The following DAZAP1 variants were observed in gnomAD, a reference collection of about 807,000 sequenced individuals.
DAZAP1 encodes the protein DAZ associated protein 1.
A neutral mutation model predicts 60.1 loss-of-function variants in DAZAP1; 6 were observed. The observed-to-expected ratio is 0.10, with a 90% CI of 0.05 to 0.20. DAZAP1 has a LOEUF of 0.20. Ranked by LOEUF, DAZAP1 falls within the 10% of genes least tolerant of loss-of-function variation. DAZAP1 has a pLI of 1.00. For missense variants in DAZAP1, 366 were observed against 560.4 expected, an observed-to-expected ratio of 0.65 and a Z score of 3.50; for synonymous variants, 235 against 215.9, an observed-to-expected ratio of 1.09 and a Z score of -0.78.
intron 6 of DAZAP1, among the ~76,000 whole-genome samples, chr19:1,424,255 A>G (rs2083243827): frequency 6.7e-6 from 1 of 149,142 alleles, no homozygotes; most frequent in Non-Finnish European, 1.5e-5. Flanking sequence ...CAGTCCCCTC[A>G]GGTCTTCTCC....
rs1429870989 is a variant in DAZAP1 at position 1,426,245 on chromosome 19, G to C, written c.546+285G>C. ...GGGCTGGGGCTGGGAGGCTGTGGCG[G>C]TGTTGGGGCTGGCTCCAGTGAAACC... On this transcript the variant is annotated intron_variant, in intron 7 of 11. Transcript: ENST00000233078. This position sits in a 1 kb window ranked among gnomAD's most constrained non-coding sequence, Gnocchi z 5.4. The C allele has an allele frequency of 2.4e-6, 1 of 418,110 alleles. No homozygotes were observed. Among genetic ancestry groups the C allele is most frequent in the Non-Finnish European group, 4.5e-6 (1 of 224,544 alleles). The allele number at this position is 418,110 out of a possible 1,614,324, so 25.9% of individuals were successfully genotyped here.
At position 1,415,353 on chromosome 19, in the gene DAZAP1, ATGTGTG is replaced by A. The variant is rs61360796; in HGVS notation, c.30-2115_30-2110del. ...GATTTGGTTTGGTTTTCAGGGTTTT[ATGTGTG>A]TGTGTGTGTGTGTGTGTGTGTGTGT... On this transcript the variant is annotated intron_variant, in intron 1 of 11. Coordinates refer to ENST00000233078, the MANE Select transcript of DAZAP1 (RefSeq NM_018959.4). Among the ~76,000 whole-genome samples, 925 of 109,404 alleles carry A rather than the reference ATGTGTG, an allele frequency of 8.5e-3. 7 individuals carry two copies. Among genetic ancestry groups the A allele is most frequent in the Non-Finnish European group, 0.012 (720 of 57,938 alleles). 71.8% of individuals were successfully genotyped at this position (109,404 alleles called of 152,430 possible). A position where few individuals can be genotyped will look rare whatever the true frequency, so the allele number is the denominator to read the frequency against.
chr19:1,432,473 G>A lies in DAZAP1; in HGVS notation c.872-41G>A, dbSNP rs374762621. Reference sequence around the variant, plus strand: ...GTCTCCTGCTGGTCTGCCCCCAGCTGCACAACGTGTCTTGTGCCTTGCCCT... The same window carrying A: ...GTCTCCTGCTGGTCTGCCCCCAGCTACACAACGTGTCTTGTGCCTTGCCCT... On this transcript the variant is annotated intron_variant, in intron 10 of 11. Transcript: ENST00000233078. This position sits in a 1 kb window ranked among gnomAD's most constrained non-coding sequence, Gnocchi z 4.9. 2 of 1,609,106 alleles carry A rather than the reference G, an allele frequency of 1.2e-6. No individual in the cohort carries two copies. Among genetic ancestry groups the A allele is most frequent in the African/African-American group, 1.3e-5 (1 of 74,846 alleles).
chr19:1,409,531 G>T (rs2082763811), intron 1 of DAZAP1, among the ~76,000 whole-genome samples: 1 of 152,208 alleles, frequency 6.6e-6, no homozygotes, highest in African/African-American at 2.4e-5. Flanking sequence ...GGAGTGCATG[G>T]ACCCTGCTCT....
At chr19:1,424,806 G>A (rs2144849401) in intron 6 of DAZAP1, among the ~76,000 whole-genome samples, 1 of 152,344 alleles carries the variant, frequency 6.6e-6, no homozygotes, top group African/African-American at 2.4e-5. Context: ...GTCTTGGGCA[G>A]CTGTCTGCCG....
At chr19:1,412,591 T>A (rs1009951029) in intron 1 of DAZAP1, among the ~76,000 whole-genome samples, 4 of 152,052 alleles carry the variant, frequency 2.6e-5, no homozygotes, top group Admixed American at 2.6e-4. Context: ...TGGCCGCCGG[T>A]TTTTGAAGCC....
At position 1,411,744 on chromosome 19, in the gene DAZAP1, G is replaced by T. The variant is rs3786977; in HGVS notation, c.29+3942G>T. Among the ~76,000 whole-genome samples the T allele has an allele frequency of 1.3e-4, 20 of 152,350 alleles. 1 individual carries two copies. In the East Asian group the frequency reaches 3.9e-3, roughly 29 times the overall value. On this transcript the variant is annotated intron_variant, in intron 1 of 11. Transcript: ENST00000233078. ...GAGGCACAGAGGAGTTGAGGGATGG[G>T]CCCGGGGTCACCCCAGGGGGTGGAA...
At position 1,432,226 on chromosome 19, in the gene DAZAP1, T is replaced by G; in HGVS notation, c.872-288T>G. The G allele has an allele frequency of 2.0e-6, 1 of 499,706 alleles. No individual in the cohort carries two copies. The allele number at this position is 499,706 out of a possible 1,614,324, so 31.0% of individuals were successfully genotyped here. On this transcript the variant is annotated intron_variant, in intron 10 of 11. Transcript: ENST00000233078. The surrounding 1 kb of genome is among the most constrained non-coding windows in gnomAD (Gnocchi z 4.9). ...TTTTGCTGTGAGGTTACTTGCTCCT[T>G]GAGTTCTTGTCTGAGGCCCACCTGG...
chr19:1,434,990 G>A lies in DAZAP1; in HGVS notation c.*78G>A, dbSNP rs1418028361. On this transcript the variant is annotated 3_prime_UTR_variant, in exon 12 of 12. Transcript: ENST00000233078. The surrounding 1 kb of genome is among the most constrained non-coding windows in gnomAD (Gnocchi z 8.0). Reference sequence around the variant, plus strand: ...AACTCGTGACAATCACAAACTTGGCGGCAAAGTGGCGACTCAACCTTGGGG... The same window carrying A: ...AACTCGTGACAATCACAAACTTGGCAGCAAAGTGGCGACTCAACCTTGGGG... 2.0e-5 allele frequency: 7 copies of A among 346,240 alleles called. No individual in the cohort carries two copies. The highest frequency in any genetic ancestry group is 2.8e-5 in the Non-Finnish European group (7 of 252,144). The allele number at this position is 346,240 out of a possible 1,614,324, so 21.4% of individuals were successfully genotyped here.
rs2144962276 is a variant in DAZAP1 at position 1,434,590 on chromosome 19, G to A, written c.1049-147G>A. On this transcript the variant is annotated intron_variant, in intron 11 of 11. Coordinates refer to ENST00000233078, the MANE Select transcript of DAZAP1 (RefSeq NM_018959.4). The surrounding 1 kb of genome is among the most constrained non-coding windows in gnomAD (Gnocchi z 8.0). ...GCCCGGGGTCCTCTCCCCGGCCCAG[G>A]TGCTGGCCTCAGAAGGGCCCCACCC... 4 of 717,750 alleles carry A rather than the reference G, an allele frequency of 5.6e-6. No homozygotes were observed. Among genetic ancestry groups the A allele is most frequent in the African/African-American group, 3.7e-5 (2 of 53,774 alleles). The allele number at this position is 717,750 out of a possible 1,614,324, so 44.5% of individuals were successfully genotyped here.
chr19:1,421,122 C>T (rs779772419), intron 4 of DAZAP1, 26 bp from the exon 5 acceptor site: 2 of 1,609,104 alleles, frequency 1.2e-6, no homozygotes, highest in Non-Finnish European at 1.7e-6. Context: ...CCCGTGTGAA[C>T]TAACTATCCT....
chr19:1,408,807 A>G (rs999868215), intron 1 of DAZAP1, among the ~76,000 whole-genome samples: 1 of 152,134 alleles, frequency 6.6e-6, no homozygotes, highest in Non-Finnish European at 1.5e-5. Context: ...GCTCGGCGCC[A>G]TTCTTTGGTA....
intron 8 of DAZAP1, among the ~76,000 whole-genome samples, chr19:1,429,474 G>A (rs1409244039): frequency 6.6e-6 from 1 of 152,208 alleles, no homozygotes; most frequent in African/African-American, 2.4e-5. Context: ...GGAGCTTCCA[G>A]CAGCCACGGA....
In DAZAP1 at chr19:1,430,358, G is replaced by T; in HGVS notation, c.867G>T (p.Gln289His). Residue 289 changes from glutamine (Q) to histidine (H), a missense_variant, in exon 10 of 12, where the codon CAG becomes CAT. Gln to His is a conservative substitution (Grantham distance 24). This residue lies in a region of DAZAP1 where 240 missense variants were observed against 308.8 expected (regional missense o/e 0.78). Coordinates refer to ENST00000233078, the MANE Select transcript of DAZAP1 (RefSeq NM_018959.4). ...GFPQGYGAPPQFSFGYGPPPP... is the reference protein window; with the variant it reads ...GFPQGYGAPPHFSFGYGPPPP... ...CTCAGGGCTACGGTGCCCCGCCACA[G>T]TTCAGTAAGTCTAGGGGGCCTTGTG... 6.8e-7 allele frequency: 1 copy of T among 1,480,734 alleles called. No homozygotes were observed. Among genetic ancestry groups the T allele is most frequent in the Non-Finnish European group, 9.0e-7 (1 of 1,116,068 alleles). 91.7% of individuals were successfully genotyped at this position (1,480,734 alleles called of 1,614,324 possible).
intron 6 of DAZAP1, among the ~76,000 whole-genome samples, chr19:1,424,208 C>T (rs1027263997): frequency 6.6e-5 from 10 of 152,044 alleles, no homozygotes; most frequent in Non-Finnish European, 1.2e-4. Context: ...CGTCTACCCT[C>T]GGCCCGCCCG....
intron 1 of DAZAP1, among the ~76,000 whole-genome samples, chr19:1,415,394 G>GTGT (rs1569048405): frequency 5.7e-5 from 4 of 69,838 alleles, no homozygotes; most frequent in African/African-American, 1.9e-4. Flanking sequence ...TGTGTGTTTT[G>GTGT]TTTTTTTTTT....
Position 1,433,644 on chromosome 19 carries a change from G to A in DAZAP1, c.1048+954G>A. 1 of 982,660 alleles carries A rather than the reference G, an allele frequency of 1.0e-6. No individual in the cohort carries two copies. 60.9% of individuals were successfully genotyped at this position (982,660 alleles called of 1,614,324 possible). A position where few individuals can be genotyped will look rare whatever the true frequency, so the allele number is the denominator to read the frequency against. ...CCTGGCGTGTCTGAGACTGGCAGGGGGGTGTGAGGCGCCCGGTTGGGGCGT... is the reference window on the plus strand; with the variant it reads ...CCTGGCGTGTCTGAGACTGGCAGGGAGGTGTGAGGCGCCCGGTTGGGGCGT... On this transcript the variant is annotated intron_variant, in intron 11 of 11. Transcript: ENST00000233078. This position sits in a 1 kb window ranked among gnomAD's most constrained non-coding sequence, Gnocchi z 6.1.
chr19:1,409,651 G>A (rs186211551), intron 1 of DAZAP1, among the ~76,000 whole-genome samples: 132 of 152,220 alleles, frequency 8.7e-4, no homozygotes, highest in African/African-American at 3.0e-3. Flanking sequence ...TCTATGCGGA[G>A]TCCACGGTCT....
chr19:1,414,751 A>G (rs1600192804), intron 1 of DAZAP1, among the ~76,000 whole-genome samples: 2 of 151,354 alleles, frequency 1.3e-5, no homozygotes, highest in East Asian at 3.9e-4. Context: ...AAAATTGAGA[A>G]AGTATTTATT....
Sources: allele counts gnomAD v4.1 joint callset (sites outside exome capture counted in the v4.1 genomes callset), GRCh38; gene constraint gnomAD v4.1.1; regional missense constraint gnomAD v4.1.1; non-coding constraint Gnocchi (gnomAD v3.1); transcripts MANE v1.5; gene names NCBI Gene and HGNC (gene_info 2026-07-23, HGNC 2026-07-21).